CNTN4: variants seen among roughly 807,000 people sequenced by gnomAD.
The protein encoded by CNTN4 is contactin-4.
CNTN4 carries 77 observed loss-of-function variants against 122.5 expected under a neutral mutation model. That is an observed-to-expected ratio of 0.63 (90% confidence interval 0.52 to 0.76). The LOEUF (loss-of-function observed/expected upper bound fraction) is 0.76, where lower values mean the gene tolerates loss of function less well. CNTN4 is among the 30% of genes least tolerant of loss of function. The pLI is 0.00. For missense variants in CNTN4, 1,256 were observed against 1,259.1 expected (o/e 1.00, Z 0.04); for synonymous variants, 512 against 447.0 (o/e 1.15, Z -1.83).
chr3:2,931,333 T>C (rs528446349), intron 13 of CNTN4, among the ~76,000 whole-genome samples: 5 of 151,320 alleles, frequency 3.3e-5, no homozygotes, highest in East Asian at 3.9e-4. Context: ...TAGGATCCCA[T>C]CTTTAGGAAC....
chr3:2,915,752 A>G (rs968222881), intron 12 of CNTN4, among the ~76,000 whole-genome samples: 1 of 152,230 alleles, frequency 6.6e-6, no homozygotes, highest in Admixed American at 6.5e-5. Flanking sequence ...TTGCACACCT[A>G]TATTAATTGC....
intron 4 of CNTN4, among the ~76,000 whole-genome samples, chr3:2,629,933 T>C (rs2728069): frequency 0.25 from 38,578 of 152,094 alleles, 5,265 homozygotes; most frequent in African/African-American, 0.35. Context: ...CTCGTTAATA[T>C]AACTTTCATC....
At chr3:2,296,137 C>T (rs2042302309) in intron 2 of CNTN4, among the ~76,000 whole-genome samples, 1 of 152,032 alleles carries the variant, frequency 6.6e-6, no homozygotes, top group Non-Finnish European at 1.5e-5. Flanking sequence ...GTTCTTTTGG[C>T]TTAGGATTGA....
At chr3:2,624,288 G>T (rs2149963536) in intron 4 of CNTN4, among the ~76,000 whole-genome samples, 1 of 152,280 alleles carries the variant, frequency 6.6e-6, no homozygotes, top group Non-Finnish European at 1.5e-5. Flanking sequence ...CAAAAAGTGT[G>T]AACTCTTATG....
chr3:2,982,938 G>A (rs776594360), intron 13 of CNTN4, among the ~76,000 whole-genome samples: 6 of 151,964 alleles, frequency 3.9e-5, no homozygotes, highest in Admixed American at 3.3e-4. Flanking sequence ...AAAGCTTGCC[G>A]GGCGCAGTGG....
At chr3:2,270,370 G>A (rs562471719) in intron 2 of CNTN4, among the ~76,000 whole-genome samples, 9 of 152,216 alleles carry the variant, frequency 5.9e-5, no homozygotes, top group African/African-American at 1.7e-4. Flanking sequence ...CAGGTACTAA[G>A]CCTAGTACCT....
At chr3:2,568,317 GA>G (rs770465722) in intron 3 of CNTN4, among the ~76,000 whole-genome samples, 2,657 of 71,010 alleles carry the variant, frequency 0.037, 71 homozygotes, top group African/African-American at 0.11. Context: ...GCAAGAATGT[GA>G]AAAAAAAAAA....
intron 2 of CNTN4, among the ~76,000 whole-genome samples, chr3:2,288,319 GA>G (rs1304182543): frequency 6.6e-6 from 1 of 152,134 alleles, no homozygotes; most frequent in East Asian, 1.9e-4. Context: ...AGGTGAAGGG[GA>G]GCCAGTGTGT....
intron 13 of CNTN4, among the ~76,000 whole-genome samples, chr3:2,927,843 G>T (rs1211715420): frequency 6.6e-6 from 1 of 151,986 alleles, no homozygotes; most frequent in Non-Finnish European, 1.5e-5. Context: ...GCTATTTATC[G>T]CCTCCACCTT....
chr3:2,953,407 G>T (rs344407), intron 13 of CNTN4, among the ~76,000 whole-genome samples: 85,652 of 151,316 alleles, frequency 0.57, 24,457 homozygotes, highest in South Asian at 0.74. Context: ...GTTTCACTTG[G>T]CATCCAGGAC....
At chr3:2,729,595 C>T (rs939157980) in intron 4 of CNTN4, among the ~76,000 whole-genome samples, 3 of 147,410 alleles carry the variant, frequency 2.0e-5, no homozygotes, top group African/African-American at 7.5e-5. Context: ...GTTGTCTGTG[C>T]TCAATTCATA....
At chr3:2,752,419 G>A (rs138432754) in intron 6 of CNTN4, among the ~76,000 whole-genome samples, 1 of 152,280 alleles carries the variant, frequency 6.6e-6, no homozygotes, top group Non-Finnish European at 1.5e-5. Context: ...AGGCTGCAGT[G>A]CAGTGGCACG....
intron 6 of CNTN4, among the ~76,000 whole-genome samples, chr3:2,804,773 G>A (rs2092426314): frequency 1.3e-5 from 2 of 149,236 alleles, no homozygotes; most frequent in African/African-American, 5.0e-5. Context: ...GTGTTACCCA[G>A]GCTGGTTGCA....
intron 3 of CNTN4, among the ~76,000 whole-genome samples, chr3:2,449,729 G>A (rs1318008009): frequency 1.3e-5 from 2 of 152,082 alleles, no homozygotes; most frequent in Non-Finnish European, 2.9e-5. Context: ...TTTTAAAAAT[G>A]TGGTATATTT....
At chr3:2,771,124 T>A (rs1270394255) in intron 6 of CNTN4, among the ~76,000 whole-genome samples, 1 of 152,208 alleles carries the variant, frequency 6.6e-6, no homozygotes, top group East Asian at 1.9e-4. Flanking sequence ...TCATTAAAGT[T>A]ACCCTCAGAA....
At chr3:2,290,066 C>T (rs1043928915) in intron 2 of CNTN4, among the ~76,000 whole-genome samples, 2 of 152,128 alleles carry the variant, frequency 1.3e-5, no homozygotes, top group African/African-American at 2.4e-5. Context: ...CTACACCTAA[C>T]ACGATGGAGT....
At chr3:2,961,847 G>A (rs1482795975) in intron 13 of CNTN4, among the ~76,000 whole-genome samples, 1 of 152,224 alleles carries the variant, frequency 6.6e-6, no homozygotes, top group Non-Finnish European at 1.5e-5. Context: ...ACACTGTGTA[G>A]AGGGGAATTC....
chr3:2,750,381 GA>G (rs1317920092), intron 6 of CNTN4, among the ~76,000 whole-genome samples: 2 of 152,128 alleles, frequency 1.3e-5, no homozygotes, highest in African/African-American at 4.8e-5. Context: ...TTTGTGCACA[GA>G]ACTTAGTCAT....
At chr3:2,153,491 T>C (rs1338788941) in intron 2 of CNTN4, among the ~76,000 whole-genome samples, 3 of 152,094 alleles carry the variant, frequency 2.0e-5, no homozygotes, top group Non-Finnish European at 4.4e-5. Flanking sequence ...GTGTTGGAGG[T>C]GCAAGCCTGA....
Sources: allele counts gnomAD v4.1 joint callset (sites outside exome capture counted in the v4.1 genomes callset), GRCh38; gene constraint gnomAD v4.1.1; transcripts MANE v1.5; gene names NCBI Gene and HGNC (gene_info 2026-07-23, HGNC 2026-07-21).